CNBD1: variants seen among roughly 807,000 people sequenced by gnomAD.
The protein encoded by CNBD1 is cyclic nucleotide binding domain containing 1, also known as cyclic nucleotide-binding domain-containing protein 1.
A neutral mutation model predicts 54.4 loss-of-function variants in CNBD1; 71 were observed. The ratio of observed to expected loss-of-function variants is 1.30; its 90% CI spans 1.08 to 1.59. The LOEUF (loss-of-function observed/expected upper bound fraction) is 1.59. CNBD1 is among the 40% of genes most tolerant of loss of function. CNBD1 has a pLI of 0.00. For missense variants in CNBD1, 659 were observed against 518.0 expected (o/e 1.27, Z -2.64); for synonymous variants, 182 against 170.7 (o/e 1.07, Z -0.51).
chr8:86,929,966 G>C (rs1232939537), intron 3 of CNBD1, among the ~76,000 whole-genome samples: 1 of 152,170 alleles, frequency 6.6e-6, no homozygotes. Context: ...CATATAAAGA[G>C]AAGTTTTGTC....
At chr8:87,389,959 C>A (rs528988073) in intron 2 of CNBD1, among the ~76,000 whole-genome samples, 2 of 152,124 alleles carry the variant, frequency 1.3e-5, no homozygotes, top group South Asian at 4.2e-4. Flanking sequence ...CTACAACAAT[C>A]TGATCTTTGA....
At position 87,277,598 on chromosome 8, in the gene CNBD1, G is replaced by A. The variant is rs552149517; in HGVS notation, c.772-7080G>A. The stretch of plus-strand genomic sequence containing the variant: ...TTATAGACAGAAATTAGGAGTCCTG[G>A]GTCTGTCAAGTATAAGAGGTCCTGA... On this transcript the variant is annotated intron_variant, in intron 6 of 10. Coordinates refer to ENST00000518476, the MANE Select transcript of CNBD1 (RefSeq NM_173538.3). 1.3e-4 allele frequency among the ~76,000 whole-genome samples: 19 copies of A among 151,634 alleles called. 1 individual carries two copies. The East Asian group carries it at 3.5e-3, about 28-fold the overall frequency.
chr8:87,313,985 C>T (rs1052620993), intron 8 of CNBD1, among the ~76,000 whole-genome samples: 2 of 151,922 alleles, frequency 1.3e-5, no homozygotes, highest in Non-Finnish European at 2.9e-5. Flanking sequence ...ACAGCAGCCT[C>T]TTCTGGAATA....
At chr8:87,217,502 C>A (rs1814237352) in intron 5 of CNBD1, among the ~76,000 whole-genome samples, 1 of 149,132 alleles carries the variant, frequency 6.7e-6, no homozygotes, top group Admixed American at 6.7e-5. Context: ...CTAATCTAGA[C>A]AACAAACATG....
chr8:87,123,751 A>T (rs963632696), intron 4 of CNBD1, among the ~76,000 whole-genome samples: 1 of 151,730 alleles, frequency 6.6e-6, no homozygotes, highest in Non-Finnish European at 1.5e-5. Flanking sequence ...AAGGTAAACA[A>T]TATGGACAAA....
chr8:87,371,318 C>T lies in CNBD1; in HGVS notation c.1304-11302C>T, dbSNP rs570205366. Among the ~76,000 whole-genome samples, 396 of 152,054 alleles carry T rather than the reference C, an allele frequency of 2.6e-3. 2 individuals are homozygous for T. The highest frequency in any genetic ancestry group is 9.0e-3 in the African/African-American group (374 of 41,486). ...CATTGAATCTATAAATTACCTTGGG[C>T]AGTATGGCCATTTTCATGATATTGA... On this transcript the variant is annotated intron_variant, in intron 10 of 10. Coordinates refer to ENST00000518476, the MANE Select transcript of CNBD1 (RefSeq NM_173538.3).
At chr8:87,322,523 G>A (rs1219847135) in intron 8 of CNBD1, among the ~76,000 whole-genome samples, 1 of 121,118 alleles carries the variant, frequency 8.3e-6, no homozygotes, top group African/African-American at 3.1e-5. Flanking sequence ...ATATCTCATA[G>A]TGGTTTTGAT....
chr8:86,968,315 G>C (rs1446069766), intron 4 of CNBD1, among the ~76,000 whole-genome samples: 1 of 152,152 alleles, frequency 6.6e-6, no homozygotes. Context: ...GCCTGATAAG[G>C]TTCTGGGGGT....
chr8:87,225,227 C>A (rs1200376924), intron 5 of CNBD1, among the ~76,000 whole-genome samples: 1 of 146,648 alleles, frequency 6.8e-6, no homozygotes. Flanking sequence ...TAATTGAATA[C>A]CCTTTATTTC....
chr8:87,205,374 A>G (rs1813950978), intron 4 of CNBD1, among the ~76,000 whole-genome samples: 1 of 152,184 alleles, frequency 6.6e-6, no homozygotes, highest in Non-Finnish European at 1.5e-5. Flanking sequence ...CAGCTAGGTT[A>G]GTCCTTTGAG....
At chr8:86,943,432 A>G (rs1347085273) in intron 4 of CNBD1, among the ~76,000 whole-genome samples, 1 of 151,450 alleles carries the variant, frequency 6.6e-6, no homozygotes, top group Non-Finnish European at 1.5e-5. Flanking sequence ...ACTATTACCT[A>G]TTGATAACTT....
chr8:87,307,867 A>G (rs1260572165), intron 8 of CNBD1, among the ~76,000 whole-genome samples: 2 of 151,998 alleles, frequency 1.3e-5, no homozygotes, highest in Non-Finnish European at 2.9e-5. Context: ...AGAAAAAATA[A>G]CAATAAACAA....
chr8:87,033,024 A>G (rs1355945399), intron 4 of CNBD1, among the ~76,000 whole-genome samples: 3 of 152,110 alleles, frequency 2.0e-5, no homozygotes, highest in South Asian at 2.1e-4. Flanking sequence ...GATTGACTCT[A>G]TCATAAACCC....
At chr8:87,382,144 A>AC (rs146423110) in intron 10 of CNBD1, among the ~76,000 whole-genome samples, 2,866 of 151,936 alleles carry the variant, frequency 0.019, 91 homozygotes, top group African/African-American at 0.063. Flanking sequence ...CATTTGATTA[A>AC]AAAATGTCAC....
intron 2 of CNBD1, among the ~76,000 whole-genome samples, chr8:86,888,616 C>A (rs565013676): frequency 6.6e-6 from 1 of 152,066 alleles, no homozygotes; most frequent in Non-Finnish European, 1.5e-5. Context: ...ATGTAAATAG[C>A]GTCTGGCACA....
rs1437099136 is a variant in CNBD1 at position 87,258,834 on chromosome 8, A to G, written c.771+21722A>G. On this transcript the variant is annotated intron_variant, in intron 6 of 10. Transcript: ENST00000518476. ...AAAACCCTGTTGTGCTTTTATTTACATGTCCAATTTACTGAAAAACAAATA... is the reference window on the plus strand; with the variant it reads ...AAAACCCTGTTGTGCTTTTATTTACGTGTCCAATTTACTGAAAAACAAATA... Among the ~76,000 whole-genome samples, 9 of 152,266 alleles carry G rather than the reference A, an allele frequency of 5.9e-5. No individual in the cohort carries two copies. In the South Asian group the frequency reaches 1.9e-3, roughly 32 times the overall value.
At chr8:87,300,061 A>T (rs185140195) in intron 8 of CNBD1, among the ~76,000 whole-genome samples, 1 of 152,210 alleles carries the variant, frequency 6.6e-6, no homozygotes, top group Non-Finnish European at 1.5e-5. Flanking sequence ...CACTTGGCTT[A>T]ACCTGGCAAA....
intron 8 of CNBD1, among the ~76,000 whole-genome samples, chr8:87,304,047 A>C (rs577426117): frequency 7.2e-4 from 110 of 152,236 alleles, no homozygotes; most frequent in Non-Finnish European, 1.1e-3. Context: ...GGGACTGTAA[A>C]CTAGTTCAAC....
chr8:87,031,922 G>C (rs1036203558), intron 4 of CNBD1, among the ~76,000 whole-genome samples: 2 of 151,950 alleles, frequency 1.3e-5, no homozygotes, highest in Non-Finnish European at 2.9e-5. Flanking sequence ...TGTATTTTTG[G>C]TAGAGACAGG....
Sources: gnomAD v4.1 joint callset for allele counts (sites outside exome capture counted in the v4.1 genomes callset) on GRCh38, gnomAD v4.1.1 for gene constraint, MANE v1.5 for transcripts, NCBI Gene and HGNC (gene_info 2026-07-23, HGNC 2026-07-21) for gene names.